SHISAL1: variants seen among roughly 807,000 people sequenced by gnomAD.
SHISAL1 encodes the protein shisa like 1, also known as protein shisa-like-1.
A neutral mutation model predicts 22.6 loss-of-function variants in SHISAL1; 9 were observed. That is an observed-to-expected ratio of 0.40 (90% CI 0.24 to 0.70). The LOEUF (loss-of-function observed/expected upper bound fraction) is 0.70, where lower values mean the gene tolerates loss of function less well. SHISAL1 is among the 30% of genes least tolerant of loss of function. SHISAL1 has a pLI of 0.39. For missense variants in SHISAL1, 246 were observed against 270.6 expected (o/e 0.91, Z 0.64); for synonymous variants, 119 against 115.4 (o/e 1.03, Z -0.20).
chr22:44,256,028 A>C (rs1245575537), intron 4 of SHISAL1, among the ~76,000 whole-genome samples: 4 of 152,214 alleles, frequency 2.6e-5, no homozygotes, highest in African/African-American at 9.6e-5. Context: ...ACCAACAAGT[A>C]AGGGGGAATT....
the SHISAL1 span, among the ~76,000 whole-genome samples, chr22:44,326,513 C>G: frequency 6.6e-6 from 1 of 151,538 alleles, no homozygotes; most frequent in Non-Finnish European, 1.5e-5. Context: ...GAAGTGTGAC[C>G]AAAAAAAAAT....
chr22:44,314,099 A>T (rs569613184), upstream of SHISAL1, among the ~76,000 whole-genome samples: 1 of 151,250 alleles, frequency 6.6e-6, no homozygotes, highest in South Asian at 2.1e-4. Context: ...AGATGCGGAA[A>T]CTGAGGTACA....
intron 1 of SHISAL1, among the ~76,000 whole-genome samples, chr22:44,309,767 C>T (rs1052787262): frequency 4.6e-5 from 7 of 152,210 alleles, no homozygotes; most frequent in African/African-American, 1.7e-4. Context: ...AGGGCCTTTC[C>T]TCGGCAGTGC....
intron 4 of SHISAL1, among the ~76,000 whole-genome samples, chr22:44,262,835 AAG>A (rs1290648575): frequency 6.6e-6 from 1 of 152,220 alleles, no homozygotes; most frequent in Non-Finnish European, 1.5e-5. Flanking sequence ...CCTAAGTGGG[AAG>A]ATAACAGAGC....
chr22:44,323,441 CAA>C, the SHISAL1 span, among the ~76,000 whole-genome samples: 1 of 119,018 alleles, frequency 8.4e-6, no homozygotes, highest in Non-Finnish European at 1.8e-5. Flanking sequence ...ATCCATCCAT[CAA>C]CCATCCATCC....
At chr22:44,331,159 G>C in the SHISAL1 span, among the ~76,000 whole-genome samples, 1 of 151,954 alleles carries the variant, frequency 6.6e-6, no homozygotes, top group Non-Finnish European at 1.5e-5. The surrounding 1 kb of genome is among the most constrained non-coding windows in gnomAD (Gnocchi z 5.2). Context: ...CCAAGGTTCA[G>C]CGACCCCGAC....
intron 4 of SHISAL1, among the ~76,000 whole-genome samples, chr22:44,278,661 T>C (rs1303751624): frequency 1.3e-5 from 2 of 151,828 alleles, no homozygotes; most frequent in Non-Finnish European, 2.9e-5. Flanking sequence ...CAGAGAGGGG[T>C]CAAGGAGTTG....
rs569737467 is a variant in SHISAL1, at chr22:44,266,448, G to GT, written c.*-16764dup. Among the ~76,000 whole-genome samples, 366 of 142,214 alleles carry GT rather than the reference G, an allele frequency of 2.6e-3. 2 individuals are homozygous for GT. Among genetic ancestry groups the GT allele is most frequent in the Middle Eastern group, 0.011 (3 of 282 alleles). The allele number at this position is 142,214 out of a possible 152,430, so 93.3% of individuals were successfully genotyped here. A position where few individuals can be genotyped will look rare whatever the true frequency, so the allele number is the denominator to read the frequency against. ...CTGTGTGTGTGTTGGGGGGTTGTGT[G>GT]TGTGGGGCTGTGTGTGTGTTGGGCT... On this transcript the variant is annotated intron_variant, in intron 4 of 4. Transcript: ENST00000381176.
intron 4 of SHISAL1, among the ~76,000 whole-genome samples, chr22:44,251,563 T>C (rs1386369447): frequency 6.6e-6 from 1 of 152,188 alleles, no homozygotes; most frequent in Non-Finnish European, 1.5e-5. Flanking sequence ...GAGGTTTAAT[T>C]GGACTTACAG....
At chr22:44,303,410 T>G (rs2055447068) in intron 1 of SHISAL1, among the ~76,000 whole-genome samples, 1 of 152,032 alleles carries the variant, frequency 6.6e-6, no homozygotes, top group Non-Finnish European at 1.5e-5. Flanking sequence ...AAGACTGGTG[T>G]TTTTTATAAA....
rs141994518 is a variant in SHISAL1 at position 44,295,234 on chromosome 22, AT to A, written c.281+1437del. 4.5e-3 allele frequency among the ~76,000 whole-genome samples: 686 copies of A among 152,232 alleles called. 7 individuals are homozygous for A. Among genetic ancestry groups the A allele is most frequent in the African/African-American group, 0.016 (654 of 41,526 alleles). ...TATCACACTCTACCTCAATACTCAG[AT>A]TTAGTATATTAAGATATTTGGTAAG... On this transcript the variant is annotated intron_variant, in intron 3 of 4. Coordinates refer to ENST00000381176, the MANE Select transcript of SHISAL1 (RefSeq NM_001099294.2).
intron 4 of SHISAL1, among the ~76,000 whole-genome samples, chr22:44,266,630 A>T (rs1601782119): frequency 6.6e-6 from 1 of 151,034 alleles, no homozygotes; most frequent in East Asian, 2.0e-4. Flanking sequence ...GGCACATTGT[A>T]GGTGCTCTGG....
At chr22:44,302,723 G>A (rs1287144755) in intron 1 of SHISAL1, among the ~76,000 whole-genome samples, 14 of 4,130 alleles carry the variant, frequency 3.4e-3, no homozygotes, top group South Asian at 7.5e-3. Flanking sequence ...GGGTGGGTGC[G>A]GTGAGGAGGC....
chr22:44,244,608 C>T lies in SHISAL1; in HGVS notation c.*5077G>A, dbSNP rs1471003701. The T allele has an allele frequency of 6.6e-6, 1 of 152,180 alleles. No individual in the cohort carries two copies. The highest frequency in any genetic ancestry group is 1.5e-5 in the Non-Finnish European group (1 of 68,042). The allele number at this position is 152,180 out of a possible 1,614,324, so 9.4% of individuals were successfully genotyped here. A position where few individuals can be genotyped will look rare whatever the true frequency, so the allele number is the denominator to read the frequency against. ...TGGGGGGCAATGACACCTCCAAGGT[C>T]ACTTTCACGGGTGGGACAGGTAAGT... On this transcript the variant is annotated 3_prime_UTR_variant, in exon 5 of 5. Coordinates refer to ENST00000381176, the MANE Select transcript of SHISAL1 (RefSeq NM_001099294.2).
rs539418692 is a variant in SHISAL1, at chr22:44,279,963, C to T, written c.599+5465G>A. 7.4e-4 allele frequency among the ~76,000 whole-genome samples: 112 copies of T among 152,274 alleles called. 1 individual carries two copies. Among genetic ancestry groups the T allele is most frequent in the African/African-American group, 2.4e-3 (99 of 41,558 alleles). ...TTAAGATCTGAGATGTACACATGAT[C>T]GATCCCCTTGAGCCAAGTTGGGAAT... On this transcript the variant is annotated intron_variant, in intron 4 of 4. Transcript: ENST00000381176.
At chr22:44,317,910 T>C (rs1043829551), upstream of SHISAL1, among the ~76,000 whole-genome samples, 5 of 152,262 alleles carry the variant, frequency 3.3e-5, no homozygotes, top group Non-Finnish European at 7.3e-5. Flanking sequence ...GGATGGCTAA[T>C]GAACATGTCT....
At chr22:44,268,690 G>T (rs554244157) in intron 4 of SHISAL1, among the ~76,000 whole-genome samples, 1 of 152,186 alleles carries the variant, frequency 6.6e-6, no homozygotes, top group Non-Finnish European at 1.5e-5. Flanking sequence ...GAGAGGCCTC[G>T]GGAAGGAGCG....
chr22:44,290,529 CA>C (rs546640216), intron 3 of SHISAL1, among the ~76,000 whole-genome samples: 107 of 84,272 alleles, frequency 1.3e-3, no homozygotes, highest in South Asian at 1.3e-3. Context: ...AACTCAGTCT[CA>C]AAAAAAAAAA....
At chr22:44,292,975 G>C (rs1005632077) in intron 3 of SHISAL1, among the ~76,000 whole-genome samples, 1 of 152,202 alleles carries the variant, frequency 6.6e-6, no homozygotes, top group Non-Finnish European at 1.5e-5. Context: ...GGCCCTCCAG[G>C]GACGCTTGAT....
Sources: allele counts gnomAD v4.1 joint callset (sites outside exome capture counted in the v4.1 genomes callset), GRCh38; gene constraint gnomAD v4.1.1; non-coding constraint Gnocchi (gnomAD v3.1); transcripts MANE v1.5; gene names NCBI Gene and HGNC (gene_info 2026-07-23, HGNC 2026-07-21).